RTN4: variants seen among roughly 807,000 people sequenced by gnomAD.
RTN4 encodes reticulon-4.
RTN4 carries 32 observed loss-of-function variants against 90.4 expected under a neutral mutation model. That is an observed-to-expected ratio of 0.35 (90% confidence interval 0.27 to 0.48). The LOEUF (loss-of-function observed/expected upper bound fraction) is 0.48. RTN4 is among the 20% of genes least tolerant of loss of function. RTN4 has a pLI of 0.99. For missense variants in RTN4, 1,706 were observed against 1,430.2 expected, an observed-to-expected ratio of 1.19 and a Z score of -3.11; for synonymous variants, 629 against 552.5, an observed-to-expected ratio of 1.14 and a Z score of -1.94.
intron 1 of RTN4, among the ~76,000 whole-genome samples, chr2:55,087,324 A>AAC (rs1238531210): frequency 2.0e-5 from 3 of 152,222 alleles, no homozygotes; most frequent in Non-Finnish European, 4.4e-5. Flanking sequence ...TAATTTGTAC[A>AAC]ACCACTAGCA....
the RTN4 span, among the ~76,000 whole-genome samples, chr2:55,128,045 T>G: frequency 2.0e-5 from 3 of 152,078 alleles, no homozygotes; most frequent in African/African-American, 7.2e-5. Flanking sequence ...ATTTTTTTAT[T>G]TTTTGTAGAG....
At chr2:54,975,638 G>T (rs1249432844) in intron 5 of RTN4, among the ~76,000 whole-genome samples, 2 of 152,244 alleles carry the variant, frequency 1.3e-5, no homozygotes, top group East Asian at 3.9e-4. Context: ...TACAAAAACA[G>T]GCCGTGGCCC....
intron 2 of RTN4, among the ~76,000 whole-genome samples, chr2:55,061,650 GT>G (rs1668296154): frequency 6.6e-6 from 1 of 152,176 alleles, no homozygotes; most frequent in Admixed American, 6.5e-5. Context: ...TTCTCAACTT[GT>G]TTGATTGCTT....
chr2:54,979,158 T>C (rs907802570), intron 5 of RTN4, among the ~76,000 whole-genome samples: 11 of 151,834 alleles, frequency 7.2e-5, no homozygotes, highest in African/African-American at 2.2e-4. Context: ...GGCTCAAGAA[T>C]CCTCTTGCCT....
chr2:54,972,946 T>C lies in RTN4; in HGVS notation c.*210A>G, dbSNP rs1376502464. 3 of 449,882 alleles carry C rather than the reference T, an allele frequency of 6.7e-6. No individual in the cohort carries two copies. The highest frequency in any genetic ancestry group is 2.0e-5 in the African/African-American group (1 of 50,946). 27.9% of individuals were successfully genotyped at this position (449,882 alleles called of 1,614,324 possible). A position where few individuals can be genotyped will look rare whatever the true frequency, so the allele number is the denominator to read the frequency against. On this transcript the variant is annotated 3_prime_UTR_variant, in exon 9 of 9. Transcript: ENST00000337526. Reference sequence around the variant, plus strand: ...TATGATTACGGTTTAAATCCATACATAGCAGCTTACAATACTTAAGATGAT... The same window carrying C: ...TATGATTACGGTTTAAATCCATACACAGCAGCTTACAATACTTAAGATGAT...
In RTN4 at chr2:55,028,233, T is replaced by C. The variant is rs200099434; in HGVS notation, c.557-13A>G. On this transcript the variant is annotated splice_polypyrimidine_tract_variant and intron_variant, in intron 1 of 8. Coordinates refer to ENST00000337526, the MANE Select transcript of RTN4 (RefSeq NM_020532.5). ...AAAAGGGTCTCATCTGAAAAACAAA[T>C]AGAATATAACCTCAGCAGAAATAAA... 1.2e-5 allele frequency: 20 copies of C among 1,609,708 alleles called. No individual in the cohort carries two copies. The highest frequency in any genetic ancestry group is 4.4e-5 in the South Asian group (4 of 90,806).
At chr2:55,120,876 C>G in the RTN4 span, among the ~76,000 whole-genome samples, 2 of 152,118 alleles carry the variant, frequency 1.3e-5, no homozygotes, top group African/African-American at 2.4e-5. Context: ...CACATAGCTG[C>G]AGGCAGCAGC....
At chr2:54,992,141 C>G (rs1374810722) in intron 3 of RTN4, among the ~76,000 whole-genome samples, 1 of 152,146 alleles carries the variant, frequency 6.6e-6, no homozygotes, top group Non-Finnish European at 1.5e-5. Context: ...CTGGGAAACA[C>G]AGAGACCCCT....
At chr2:55,066,139 T>C (rs1020810045) in intron 2 of RTN4, among the ~76,000 whole-genome samples, 35 of 151,604 alleles carry the variant, frequency 2.3e-4, no homozygotes, top group African/African-American at 8.3e-4. Flanking sequence ...AAAAAGCAAT[T>C]GGCAAAGTAG....
Position 55,080,048 on chromosome 2 carries a change from C to A in RTN4, c.-63+441G>T, listed in dbSNP as rs569092436. Among the ~76,000 whole-genome samples the A allele has an allele frequency of 8.5e-5, 13 of 152,228 alleles. No homozygotes were observed. The South Asian group carries it at 2.7e-3, about 32-fold the overall frequency. ...TCTCTTATTTTGGGGGGACAGGGGA[C>A]AGGGTCCTCCCAGGCTAGAGTGTAG... On this transcript the variant is annotated intron_variant, in intron 2 of 3. Transcript: ENST00000427710.
intron 1 of RTN4, among the ~76,000 whole-genome samples, chr2:55,092,119 G>A (rs143007517): frequency 1.4e-3 from 216 of 151,488 alleles, no homozygotes; most frequent in African/African-American, 5.0e-3. Flanking sequence ...GAGTCCAGGA[G>A]TTTGAGGCTG....
intron 3 of RTN4, among the ~76,000 whole-genome samples, chr2:55,006,071 T>A (rs1680199164): frequency 6.6e-6 from 1 of 152,014 alleles, no homozygotes; most frequent in Non-Finnish European, 1.5e-5. Flanking sequence ...ATTTAAAAAA[T>A]AAATACTTAA....
intron 1 of RTN4, among the ~76,000 whole-genome samples, chr2:55,081,875 A>AAAC (rs1205975592): frequency 6.6e-6 from 1 of 151,646 alleles, no homozygotes; most frequent in Admixed American, 6.6e-5. Context: ...AAAAAAAAAA[A>AAAC]AAAAAATGAG....
intron 1 of RTN4, among the ~76,000 whole-genome samples, chr2:55,030,597 A>ACAACT (rs1682233217): frequency 6.6e-6 from 1 of 152,196 alleles, no homozygotes; most frequent in Non-Finnish European, 1.5e-5. Flanking sequence ...AAGAGTACCC[A>ACAACT]CCTAAAAATG....
At chr2:55,096,182 T>C (rs1444471098) in intron 1 of RTN4, among the ~76,000 whole-genome samples, 1 of 151,930 alleles carries the variant, frequency 6.6e-6, no homozygotes, top group Non-Finnish European at 1.5e-5. Flanking sequence ...CAAAATTAGC[T>C]GGGCGTGGTG....
intron 1 of RTN4, among the ~76,000 whole-genome samples, chr2:55,048,192 G>A (rs12473538): frequency 0.038 from 5,859 of 152,338 alleles, 158 homozygotes; most frequent in Middle Eastern, 0.068. Context: ...TGGCACACGT[G>A]TGCAGGGCAC....
intron 3 of RTN4, among the ~76,000 whole-genome samples, chr2:55,019,114 G>C (rs968783820): frequency 1.3e-5 from 2 of 152,074 alleles, no homozygotes; most frequent in Non-Finnish European, 2.9e-5. Context: ...AAATAATAAA[G>C]TTCAGTAATG....
chr2:55,065,100 T>C (rs1010392723), intron 2 of RTN4, among the ~76,000 whole-genome samples: 2 of 152,240 alleles, frequency 1.3e-5, no homozygotes, highest in Non-Finnish European at 2.9e-5. Context: ...ATCTGTAGCC[T>C]GAAAAAGCCA....
At chr2:55,007,930 C>T (rs531193538) in intron 3 of RTN4, among the ~76,000 whole-genome samples, 2 of 152,052 alleles carry the variant, frequency 1.3e-5, no homozygotes, top group African/African-American at 2.4e-5. Context: ...ATCCCTAGGC[C>T]TACCCATTCC....
Sources: gnomAD v4.1 joint callset for allele counts (sites outside exome capture counted in the v4.1 genomes callset) on GRCh38, gnomAD v4.1.1 for gene constraint, MANE v1.5 for transcripts, NCBI Gene and HGNC (gene_info 2026-07-23, HGNC 2026-07-21) for gene names.